PDE4B: variants seen among roughly 807,000 people sequenced by gnomAD.
PDE4B encodes phosphodiesterase 4B, also known as 3',5'-cyclic-AMP phosphodiesterase 4B.
PDE4B carries 20 observed loss-of-function variants against 82.2 expected under a neutral mutation model. The ratio of observed to expected loss-of-function variants is 0.24; its 90% CI spans 0.17 to 0.35. The LOEUF is 0.35. PDE4B is among the 10% of genes least tolerant of loss of function. The probability of loss-of-function intolerance (pLI) is 1.00; values close to 1 mark genes in which losing one functional copy is unlikely to be tolerated. For missense variants in PDE4B, 655 were observed against 907.2 expected (o/e 0.72, Z 3.57); for synonymous variants, 320 against 318.9 (o/e 1.00, Z -0.04).
intron 1 of PDE4B, among the ~76,000 whole-genome samples, chr1:65,824,463 A>G (rs980547421): frequency 3.9e-5 from 6 of 152,156 alleles, no homozygotes; most frequent in African/African-American, 1.2e-4. Context: ...GAACTAGGCA[A>G]TACTACTTTT....
At chr1:66,102,988 C>A (rs971962718) in intron 3 of PDE4B, among the ~76,000 whole-genome samples, 3 of 151,980 alleles carry the variant, frequency 2.0e-5, no homozygotes, top group African/African-American at 7.2e-5. Flanking sequence ...AAGGAAGGAT[C>A]CTATGGTTCT....
chr1:66,175,975 G>A (rs1646924529), intron 3 of PDE4B, among the ~76,000 whole-genome samples: 1 of 152,192 alleles, frequency 6.6e-6, no homozygotes, highest in Admixed American at 6.5e-5. Context: ...GAGAAAAAAA[G>A]ATTGATAAAG....
At chr1:66,235,394 A>C (rs1415657153) in intron 3 of PDE4B, among the ~76,000 whole-genome samples, 1 of 152,178 alleles carries the variant, frequency 6.6e-6, no homozygotes, top group Non-Finnish European at 1.5e-5. Flanking sequence ...AGGTACAGAA[A>C]TATTTAGAAT....
chr1:65,867,673 A>G (rs1289666092), intron 1 of PDE4B, among the ~76,000 whole-genome samples: 1 of 152,208 alleles, frequency 6.6e-6, no homozygotes. Flanking sequence ...AATGCATGGG[A>G]AGCACTAGAC....
chr1:66,146,816 G>A (rs1318207938), intron 3 of PDE4B, among the ~76,000 whole-genome samples: 1 of 152,062 alleles, frequency 6.6e-6, no homozygotes, highest in Non-Finnish European at 1.5e-5. Context: ...TTTAAACTAC[G>A]TACCGTAGAG....
At chr1:65,893,120 G>T (rs1233225206) in intron 1 of PDE4B, among the ~76,000 whole-genome samples, 12 of 151,890 alleles carry the variant, frequency 7.9e-5, no homozygotes, top group Non-Finnish European at 1.8e-4. Flanking sequence ...TTTCTGCATT[G>T]TTTTTTCCCC....
At chr1:66,297,363 A>C (rs988953290) in intron 7 of PDE4B, among the ~76,000 whole-genome samples, 1 of 152,138 alleles carries the variant, frequency 6.6e-6, no homozygotes, top group Non-Finnish European at 1.5e-5. Flanking sequence ...TGCTACAACG[A>C]AGGTATTGTT....
At chr1:65,835,161 G>T (rs1320299908) in intron 1 of PDE4B, among the ~76,000 whole-genome samples, 1 of 152,174 alleles carries the variant, frequency 6.6e-6, no homozygotes, top group African/African-American at 2.4e-5. Context: ...ACATGAATGG[G>T]AAGGTTTAGA....
At chr1:66,201,502 T>TG (rs1359331645) in intron 3 of PDE4B, among the ~76,000 whole-genome samples, 22 of 152,078 alleles carry the variant, frequency 1.4e-4, no homozygotes, top group Middle Eastern at 3.2e-3. Context: ...GGTAAGCTAT[T>TG]TTTATTGCCA....
Position 66,266,102 on chromosome 1 carries a change from A to G in PDE4B, c.634+15A>G. ...CAACCCACAAGGTAGGCCATGTCAT[A>G]AGGTCTATCTAGATGTTTCAAGATA... On this transcript the variant is annotated intron_variant, in intron 7 of 16. Transcript: ENST00000341517. 3 of 1,594,240 alleles carry G rather than the reference A, an allele frequency of 1.9e-6. No homozygotes were observed. Among genetic ancestry groups the G allele is most frequent in the Non-Finnish European group, 2.6e-6 (3 of 1,161,896 alleles).
chr1:66,114,632 A>ATTTTTTT (rs139293880), intron 3 of PDE4B, among the ~76,000 whole-genome samples: 1 of 132,364 alleles, frequency 7.6e-6, no homozygotes, highest in African/African-American at 2.9e-5. Flanking sequence ...GTAGCCCACA[A>ATTTTTTT]TTTTTTTTTT....
chr1:66,094,481 T>C lies in PDE4B; in HGVS notation c.282-152979T>C, dbSNP rs1163725012. The C allele has an allele frequency of 2.0e-5, 3 of 152,006 alleles. No individual in the cohort carries two copies. In the East Asian group the frequency reaches 5.8e-4, roughly 29 times the overall value. The allele number at this position is 152,006 out of a possible 1,614,324, so 9.4% of individuals were successfully genotyped here. A position where few individuals can be genotyped will look rare whatever the true frequency, so the allele number is the denominator to read the frequency against. ...CATTAAGATTTAGTCCTTTAAAGTT[T>C]TCAATTAGCAATGACTGCGCCTCAG... On this transcript the variant is annotated intron_variant, in intron 3 of 16. Coordinates refer to ENST00000341517, the MANE Select transcript of PDE4B (RefSeq NM_002600.4).
At chr1:66,292,829 A>G (rs1458131766) in intron 7 of PDE4B, among the ~76,000 whole-genome samples, 1 of 152,204 alleles carries the variant, frequency 6.6e-6, no homozygotes, top group Non-Finnish European at 1.5e-5. Context: ...CACTAATTCT[A>G]CATGATTTGA....
In PDE4B at chr1:65,885,725, TG is replaced by T. The variant is rs1230735448; in HGVS notation, c.-70-27516del. On this transcript the variant is annotated intron_variant, in intron 1 of 16. Coordinates refer to ENST00000341517, the MANE Select transcript of PDE4B (RefSeq NM_002600.4). ...GGGGCCTGTTGTGGGGTGGGGGAAG[TG>T]GGGAGGGAAAGCATTAGGAGATATA... 2.7e-5 allele frequency among the ~76,000 whole-genome samples: 4 copies of T among 150,730 alleles called. No individual in the cohort carries two copies. The East Asian group carries it at 7.8e-4, about 29-fold the overall frequency.
intron 7 of PDE4B, among the ~76,000 whole-genome samples, chr1:66,267,707 A>C (rs530466187): frequency 6.6e-6 from 1 of 152,304 alleles, no homozygotes; most frequent in South Asian, 2.1e-4. Flanking sequence ...CTCTGTGGCA[A>C]ACTACAAAAA....
At chr1:66,108,397 C>A (rs1389278175) in intron 3 of PDE4B, among the ~76,000 whole-genome samples, 1 of 151,900 alleles carries the variant, frequency 6.6e-6, no homozygotes, top group African/African-American at 2.4e-5. Context: ...CAAAGATTTT[C>A]TGGATATGAT....
chr1:66,290,524 T>A (rs547797131), intron 7 of PDE4B, among the ~76,000 whole-genome samples: 30 of 152,130 alleles, frequency 2.0e-4, no homozygotes, highest in Non-Finnish European at 4.3e-4. Context: ...GGATAGAAAG[T>A]ATTCAGTGGA....
rs75636311 is a variant in PDE4B, at chr1:66,286,609, C to T, written c.634+20522C>T. 3.4e-3 allele frequency among the ~76,000 whole-genome samples: 522 copies of T among 152,220 alleles called. 1 individual carries two copies. The highest frequency in any genetic ancestry group is 0.012 in the African/African-American group (496 of 41,546). Reference sequence around the variant, plus strand: ...TTTCATCATTTCCTAGGACCAAGGCCCTGCTGCTTCCCATCACATTGGTGA... The same window carrying T: ...TTTCATCATTTCCTAGGACCAAGGCTCTGCTGCTTCCCATCACATTGGTGA... On this transcript the variant is annotated intron_variant, in intron 7 of 16. Transcript: ENST00000341517.
At position 66,266,100 on chromosome 1, in the gene PDE4B, A is replaced by G. The variant is rs370459375; in HGVS notation, c.634+13A>G. On this transcript the variant is annotated intron_variant, in intron 7 of 16. Coordinates refer to ENST00000341517, the MANE Select transcript of PDE4B (RefSeq NM_002600.4). ...GTCAACCCACAAGGTAGGCCATGTC[A>G]TAAGGTCTATCTAGATGTTTCAAGA... is the stretch of plus-strand genomic sequence containing the variant. 5 of 1,597,000 alleles carry G rather than the reference A, an allele frequency of 3.1e-6. No individual in the cohort carries two copies. In the African/African-American group the frequency reaches 6.7e-5, roughly 21 times the overall value.
Sources: gnomAD v4.1 joint callset for allele counts (sites outside exome capture counted in the v4.1 genomes callset) on GRCh38, gnomAD v4.1.1 for gene constraint, MANE v1.5 for transcripts, NCBI Gene and HGNC (gene_info 2026-07-23, HGNC 2026-07-21) for gene names.